ZNF543: variants seen among roughly 807,000 people sequenced by gnomAD.
ZNF543 encodes the protein zinc finger protein 543.
In ZNF543, 10 loss-of-function variants were observed where a neutral mutation model predicts 13.4. That is an observed-to-expected ratio of 0.75 (90% confidence interval 0.46 to 1.26). ZNF543 has a LOEUF of 1.26. Ranked by LOEUF, ZNF543 falls within the 50% of genes most tolerant of loss-of-function variation. ZNF543 has a pLI of 0.00. For missense variants in ZNF543, 768 were observed against 741.2 expected, an observed-to-expected ratio of 1.04 and a Z score of -0.42; for synonymous variants, 272 against 264.7, an observed-to-expected ratio of 1.03 and a Z score of -0.27.
chr19:57,320,952 C>T, intron 1 of ZNF543, 81 bp downstream of exon 1: 1 of 1,578,790 alleles, frequency 6.3e-7, no homozygotes, highest in Non-Finnish European at 8.7e-7. Context: ...AAGACAGCCA[C>T]AGGATGTTTC....
In ZNF543 at chr19:57,328,694, A is replaced by G. The variant is rs751021850; in HGVS notation, c.1232A>G (p.Lys411Arg). 4 of 1,611,700 alleles carry G rather than the reference A, an allele frequency of 2.5e-6. No individual in the cohort carries two copies. The highest frequency in any genetic ancestry group is 1.3e-5 in the African/African-American group (1 of 74,324). The change falls in exon 4 of 4, where the codon AAG (lysine) becomes AGG (arginine). Residue 411 changes from lysine to arginine, a missense_variant. Coordinates refer to ENST00000321545, the MANE Select transcript of ZNF543 (RefSeq NM_213598.4). ...GCGTTCAACCGTAGGTCACACCTCA[A>G]GCAGCATCAACGGATTCACACTGGG... is the stretch of plus-strand genomic sequence containing the variant. ...GKAFNRRSHL[K>R]QHQRIHTGEK... is the part of the protein sequence containing the mutation.
chr19:57,328,818 A>G lies in ZNF543; in HGVS notation c.1356A>G (p.Glu452=). ...KRTHTGEKPY[E]CKECGKAFSD... is the part of the protein sequence containing the mutation. ...CCCACACAGGAGAAAAACCCTATGA[A>G]TGCAAAGAATGTGGAAAAGCCTTTA... Residue 452 remains glutamate, a synonymous_variant, in exon 4 of 4, where the codon GAA becomes GAG. Coordinates refer to ENST00000321545, the MANE Select transcript of ZNF543 (RefSeq NM_213598.4). 2 of 1,613,990 alleles carry G rather than the reference A, an allele frequency of 1.2e-6. No individual in the cohort carries two copies. The highest frequency in any genetic ancestry group is 4.5e-5 in the East Asian group (2 of 44,862).
chr19:57,321,862 A>C (rs952639610), intron 1 of ZNF543, among the ~76,000 whole-genome samples: 1 of 152,156 alleles, frequency 6.6e-6, no homozygotes, highest in East Asian at 1.9e-4. Flanking sequence ...ATGAGGAGTC[A>C]TGGCATTTCA....
At position 57,328,524 on chromosome 19, in the gene ZNF543, C is replaced by CA. The variant is rs1378632212; in HGVS notation, c.1063dup (p.Thr355AsnfsTer14). ...AGGCCTTCAACCGCCGGTCATACCT[C>CA]ACGTGGCACCAACAGATTCACACTG... On this transcript the variant is annotated frameshift_variant, in exon 4 of 4. Coordinates refer to ENST00000321545, the MANE Select transcript of ZNF543 (RefSeq NM_213598.4). LOFTEE classifies it low-confidence loss of function (END_TRUNC). The CA allele has an allele frequency of 1.9e-6, 3 of 1,614,168 alleles. No individual in the cohort carries two copies. The highest frequency in any genetic ancestry group is 2.5e-6 in the Non-Finnish European group (3 of 1,180,044).
Position 57,323,796 on chromosome 19 carries a change from C to T in ZNF543, c.133C>T (p.Leu45Phe), listed in dbSNP as rs777098834. The T allele has an allele frequency of 3.1e-6, 5 of 1,612,792 alleles. No homozygotes were observed. In the Admixed American group the frequency reaches 8.3e-5, roughly 27 times the overall value. ...QEVMLETCGL[L>F]MSLGCPLFKP... ...GGTGATGCTGGAGACCTGCGGACTT[C>T]TCATGTCTCTGGGTAAGGCCCCTTC... Residue 45 changes from leucine to phenylalanine, a missense_variant, in exon 2 of 4, where the codon CTC becomes TTC. Coordinates refer to ENST00000321545, the MANE Select transcript of ZNF543 (RefSeq NM_213598.4).
chr19:57,323,590 C>A, intron 1 of ZNF543, 92 bp from the exon 2 acceptor site: 1 of 1,487,648 alleles, frequency 6.7e-7, no homozygotes, highest in South Asian at 1.1e-5. Flanking sequence ...ATTCTTGGGT[C>A]ACTGCGCATC....
chr19:57,324,680 C>T (rs1005635973), intron 2 of ZNF543, among the ~76,000 whole-genome samples: 7 of 152,168 alleles, frequency 4.6e-5, no homozygotes, highest in African/African-American at 1.7e-4. Flanking sequence ...TCTGCCTGAG[C>T]CTCGATCTCT....
rs760161686 is a variant in ZNF543, at chr19:57,328,497, G to A, written c.1035G>A (p.Gly345=). 26 of 1,614,024 alleles carry A rather than the reference G, an allele frequency of 1.6e-5. No individual in the cohort carries two copies. Among genetic ancestry groups the A allele is most frequent in the Non-Finnish European group, 2.1e-5 (25 of 1,179,992 alleles). ...GEKPYECIEC[G]KAFNRRSYLT... ...AGCCCTATGAGTGCATTGAGTGTGGGAAGGCCTTCAACCGCCGGTCATACC... is the reference window on the plus strand; with the variant it reads ...AGCCCTATGAGTGCATTGAGTGTGGAAAGGCCTTCAACCGCCGGTCATACC... The change falls in exon 4 of 4, where the codon GGG becomes GGA. Residue 345 remains glycine (G), a synonymous_variant. Transcript: ENST00000321545.
rs751610957 is a variant in ZNF543 at position 57,328,201 on chromosome 19, A to G, written c.739A>G (p.Ile247Val). Residue 247 changes from isoleucine (I) to valine (V), a missense_variant, in exon 4 of 4, where the codon ATC (isoleucine) becomes GTC (valine). By Grantham distance (29) the Ile-to-Val change is conservative (BLOSUM62 3). Coordinates refer to ENST00000321545, the MANE Select transcript of ZNF543 (RefSeq NM_213598.4). Reference protein sequence around the residue: ...SKSTHLLQHLIIHTGEKPYKC... With the variant: ...SKSTHLLQHLVIHTGEKPYKC... The stretch of plus-strand genomic sequence containing the variant: ...GAGCACTCATCTTCTTCAGCACCTC[A>G]TCATCCACACTGGGGAGAAGCCCTA... 6.2e-7 allele frequency: 1 copy of G among 1,613,278 alleles called. No individual in the cohort carries two copies. Among genetic ancestry groups the G allele is most frequent in the Non-Finnish European group, 8.5e-7 (1 of 1,179,300 alleles).
Position 57,328,748 on chromosome 19 carries a change from G to T in ZNF543, c.1286G>T (p.Gly429Val). The change falls in exon 4 of 4, where the codon GGA (glycine) becomes GTA (valine). Residue 429 changes from glycine (G) to valine (V), a missense_variant. Transcript: ENST00000321545. Reference protein sequence around the residue: ...GEKPYECSECGKAFTHCSTFV... With the variant: ...GEKPYECSECVKAFTHCSTFV... ...AAGCCTTATGAATGCAGTGAATGTGGAAAGGCCTTCACCCACTGCTCCACT... is the reference window on the plus strand; with the variant it reads ...AAGCCTTATGAATGCAGTGAATGTGTAAAGGCCTTCACCCACTGCTCCACT... 1 of 1,614,150 alleles carries T rather than the reference G, an allele frequency of 6.2e-7. No individual in the cohort carries two copies. Among genetic ancestry groups the T allele is most frequent in the South Asian group, 1.1e-5 (1 of 91,086 alleles).
In ZNF543 at chr19:57,323,809, G is replaced by C. The variant is rs1415245530; in HGVS notation, c.145+1G>C. On this transcript the variant is annotated splice_donor_variant, in intron 2 of 3. Transcript: ENST00000321545. LOFTEE classifies it high-confidence loss of function. ...ACCTGCGGACTTCTCATGTCTCTGG[G>C]TAAGGCCCCTTCTGGTCCTGTGCTC... 1 of 1,611,698 alleles carries C rather than the reference G, an allele frequency of 6.2e-7. No homozygotes were observed. Among genetic ancestry groups the C allele is most frequent in the Non-Finnish European group, 8.5e-7 (1 of 1,178,508 alleles).
Position 57,329,435 on chromosome 19 carries a change from C to A in ZNF543, c.*170C>A. On this transcript the variant is annotated 3_prime_UTR_variant, in exon 4 of 4. Transcript: ENST00000321545. ...CTGAGAATTCACCCATGAGAGAGAC[C>A]CAGTGGTTGCTATGCACTTAGGAAA... 6 of 834,226 alleles carry A rather than the reference C, an allele frequency of 7.2e-6. No individual in the cohort carries two copies. Among genetic ancestry groups the A allele is most frequent in the South Asian group, 2.0e-5 (1 of 49,426 alleles). 51.7% of individuals were successfully genotyped at this position (834,226 alleles called of 1,614,324 possible). A position where few individuals can be genotyped will look rare whatever the true frequency, so the allele number is the denominator to read the frequency against.
In ZNF543 at chr19:57,323,668, G is replaced by T. The variant is rs374162587; in HGVS notation, c.19-14G>T. Reference sequence around the variant, plus strand: ...TTCCAAGGGAAACACTACTATCTCTGTTTAATTTTCCAGGTGTCTGTGACC... The same window carrying T: ...TTCCAAGGGAAACACTACTATCTCTTTTTAATTTTCCAGGTGTCTGTGACC... On this transcript the variant is annotated splice_polypyrimidine_tract_variant and intron_variant, in intron 1 of 3. Transcript: ENST00000321545. The T allele has an allele frequency of 2.0e-5, 33 of 1,610,870 alleles. No homozygotes were observed. In the African/African-American group the frequency reaches 4.0e-4, roughly 20 times the overall value.
At chr19:57,322,131 C>T (rs1277363768) in intron 1 of ZNF543, among the ~76,000 whole-genome samples, 1 of 152,166 alleles carries the variant, frequency 6.6e-6, no homozygotes. Flanking sequence ...TTCCTTGCTC[C>T]TGAAGTATCC....
At chr19:57,324,468 G>C (rs7248313) in intron 2 of ZNF543, among the ~76,000 whole-genome samples, 19,876 of 152,070 alleles carry the variant, frequency 0.13, 1,337 homozygotes, top group South Asian at 0.16. Context: ...TAGCAATTGT[G>C]ACCTCTGTTG....
intron 1 of ZNF543, among the ~76,000 whole-genome samples, chr19:57,321,995 T>C (rs1600049854): frequency 6.6e-6 from 1 of 152,292 alleles, no homozygotes; most frequent in East Asian, 1.9e-4. Context: ...AGCTGACACA[T>C]GTCTTGGGAC....
chr19:57,323,706 G>A lies in ZNF543; in HGVS notation c.43G>A (p.Ala15Thr), dbSNP rs768843577. ...GGTGTCTGTGACCTTTGAGGATGTGGCTGTGACATTCACCCAGGAGGAGTG... is the reference window on the plus strand; with the variant it reads ...GGTGTCTGTGACCTTTGAGGATGTGACTGTGACATTCACCCAGGAGGAGTG... The part of the protein sequence containing the change: ...AQVSVTFEDV[A>T]VTFTQEEWGQ... Residue 15 changes from alanine to threonine, a missense_variant, in exon 2 of 4, where the codon GCT becomes ACT. By Grantham distance (58) the Ala-to-Thr change is moderately conservative. Transcript: ENST00000321545. 11 of 1,613,368 alleles carry A rather than the reference G, an allele frequency of 6.8e-6. No homozygotes were observed. The highest frequency in any genetic ancestry group is 7.6e-6 in the Non-Finnish European group (9 of 1,179,598).
chr19:57,328,193 A>G lies in ZNF543; in HGVS notation c.731A>G (p.Gln244Arg). ...KTFSKSTHLL[Q>R]HLIIHTGEKP... The stretch of plus-strand genomic sequence containing the variant: ...TTTAGCAAGAGCACTCATCTTCTTC[A>G]GCACCTCATCATCCACACTGGGGAG... Residue 244 changes from glutamine (Q) to arginine (R), a missense_variant, in exon 4 of 4, where the codon CAG becomes CGG. Physicochemically the swap from Gln to Arg is conservative, Grantham distance 43. Transcript: ENST00000321545. 1 of 1,613,342 alleles carries G rather than the reference A, an allele frequency of 6.2e-7. No homozygotes were observed. Among genetic ancestry groups the G allele is most frequent in the South Asian group, 1.1e-5 (1 of 91,018 alleles).
intron 1 of ZNF543, among the ~76,000 whole-genome samples, chr19:57,321,631 A>T (rs767289443): frequency 2.0e-5 from 3 of 152,064 alleles, no homozygotes; most frequent in Admixed American, 6.5e-5. Flanking sequence ...TCTTGTCCTC[A>T]CTGTTTTACA....
Sources: gnomAD v4.1 joint callset for allele counts (sites outside exome capture counted in the v4.1 genomes callset) on GRCh38, gnomAD v4.1.1 for gene constraint, MANE v1.5 for transcripts, NCBI Gene and HGNC (gene_info 2026-07-23, HGNC 2026-07-21) for gene names.